Variants in CCSER1 observed in about 807,000 individuals in gnomAD.
CCSER1 encodes the protein coiled-coil serine rich protein 1, also known as serine-rich coiled-coil domain-containing protein 1.
A neutral mutation model predicts 82.0 loss-of-function variants in CCSER1; 41 were observed. The observed-to-expected ratio is 0.50, with a 90% CI of 0.39 to 0.65. The LOEUF (loss-of-function observed/expected upper bound fraction) is 0.65, where lower values mean the gene tolerates loss of function less well. Ranked by LOEUF, CCSER1 falls within the 30% of genes least tolerant of loss-of-function variation. CCSER1 has a pLI of 0.00. For synonymous variants in CCSER1, 414 were observed against 383.9 expected (o/e 1.08, Z -0.92); for missense variants, 1,119 against 1,064.2 (o/e 1.05, Z -0.72).
intron 9 of CCSER1, among the ~76,000 whole-genome samples, chr4:91,051,210 C>T (rs1742976445): frequency 6.6e-6 from 1 of 151,992 alleles, no homozygotes; most frequent in African/African-American, 2.4e-5. Context: ...TACCAAATAT[C>T]AAGGAGACAA....
chr4:90,525,332 T>G (rs2153627351), intron 5 of CCSER1, among the ~76,000 whole-genome samples: 1 of 152,246 alleles, frequency 6.6e-6, no homozygotes, highest in East Asian at 1.9e-4. Context: ...CCTTGGAGAA[T>G]ATTTTCTTTT....
At chr4:90,493,618 T>TA (rs1431578313) in intron 5 of CCSER1, among the ~76,000 whole-genome samples, 2 of 152,114 alleles carry the variant, frequency 1.3e-5, no homozygotes, top group African/African-American at 4.8e-5. Flanking sequence ...TCAACATTCT[T>TA]AAAGAAAAAA....
At chr4:91,463,068 G>A (rs1256301521) in intron 10 of CCSER1, among the ~76,000 whole-genome samples, 63 of 152,144 alleles carry the variant, frequency 4.1e-4, no homozygotes, top group Non-Finnish European at 2.9e-5. Flanking sequence ...CCTCAAGTGG[G>A]TCCCTGACCC....
chr4:91,063,073 CCTAA>C (rs1476258796), intron 9 of CCSER1, among the ~76,000 whole-genome samples: 7 of 152,096 alleles, frequency 4.6e-5, no homozygotes, highest in South Asian at 2.1e-4. Context: ...AAAACAGATA[CCTAA>C]CTATGTCATG....
chr4:91,257,131 T>A (rs984230579), intron 10 of CCSER1, among the ~76,000 whole-genome samples: 3 of 152,082 alleles, frequency 2.0e-5, no homozygotes, highest in Admixed American at 2.0e-4. Context: ...TTACCTTAGA[T>A]GAAATGAGGA....
At chr4:90,421,193 AT>A (rs1381389250) in intron 4 of CCSER1, among the ~76,000 whole-genome samples, 1 of 152,192 alleles carries the variant, frequency 6.6e-6, no homozygotes, top group Non-Finnish European at 1.5e-5. Flanking sequence ...GCAATTGTGC[AT>A]ACTAAAAACA....
At chr4:91,107,034 T>G (rs78734037) in intron 10 of CCSER1, among the ~76,000 whole-genome samples, 1,681 of 152,308 alleles carry the variant, frequency 0.011, 29 homozygotes, top group African/African-American at 0.037. Context: ...ATAACATATT[T>G]TCACTGTAGC....
At chr4:90,258,232 C>T (rs565611678) in intron 1 of CCSER1, among the ~76,000 whole-genome samples, 3 of 152,184 alleles carry the variant, frequency 2.0e-5, no homozygotes, top group Admixed American at 1.3e-4. Flanking sequence ...AAAAAAATAT[C>T]GGATGGGCAC....
chr4:90,598,583 A>G (rs188056529), intron 5 of CCSER1, among the ~76,000 whole-genome samples: 45 of 152,262 alleles, frequency 3.0e-4, no homozygotes, highest in Non-Finnish European at 5.6e-4. Context: ...ACTTTATTAT[A>G]TATTTGTTGG....
At chr4:91,002,927 G>T (rs974850017) in intron 9 of CCSER1, among the ~76,000 whole-genome samples, 2 of 152,284 alleles carry the variant, frequency 1.3e-5, no homozygotes, top group East Asian at 3.9e-4. Flanking sequence ...AGATTCTTTT[G>T]TCCCACGGCA....
rs113631267 is a variant in CCSER1, at chr4:90,815,526, A to ATGTGTGTGTGTGTG, written c.2011-228_2011-215dup. Among the ~76,000 whole-genome samples, 1,445 of 150,656 alleles carry ATGTGTGTGTGTGTG rather than the reference A, an allele frequency of 9.6e-3. 18 individuals carry two copies. Among genetic ancestry groups the ATGTGTGTGTGTGTG allele is most frequent in the Admixed American group, 0.035 (524 of 15,104 alleles). On this transcript the variant is annotated intron_variant, in intron 7 of 10. Transcript: ENST00000509176. ...TAAGCAAAAACATATGTGTGTGTGG[A>ATGTGTGTGTGTGTG]TGTGTGTGTGTGTGTGTGTGTCTAC...
intron 8 of CCSER1, among the ~76,000 whole-genome samples, chr4:90,828,544 G>T (rs939775838): frequency 7.2e-5 from 11 of 152,068 alleles, no homozygotes; most frequent in Admixed American, 6.6e-4. Context: ...ATTTAGTTTC[G>T]TATCACTTTA....
intron 6 of CCSER1, among the ~76,000 whole-genome samples, chr4:90,634,367 T>C (rs1725045042): frequency 6.6e-6 from 1 of 151,794 alleles, no homozygotes; most frequent in Non-Finnish European, 1.5e-5. Context: ...ACCTAATAGT[T>C]CAAACATTAA....
At chr4:91,419,053 G>C (rs774729045) in intron 10 of CCSER1, among the ~76,000 whole-genome samples, 14 of 151,838 alleles carry the variant, frequency 9.2e-5, no homozygotes, top group Non-Finnish European at 4.4e-5. Flanking sequence ...GATAACAACT[G>C]TCAACAAATT....
chr4:90,149,862 G>A (rs1167216711), intron 1 of CCSER1, among the ~76,000 whole-genome samples: 1 of 152,096 alleles, frequency 6.6e-6, no homozygotes, highest in Non-Finnish European at 1.5e-5. Flanking sequence ...AGTCTGCATT[G>A]TATGTAAAAG....
At chr4:90,690,167 G>T (rs1412671375) in intron 6 of CCSER1, among the ~76,000 whole-genome samples, 1 of 152,108 alleles carries the variant, frequency 6.6e-6, no homozygotes, top group East Asian at 1.9e-4. Flanking sequence ...TGGAAGGGGT[G>T]CTAAGCCTTA....
At chr4:90,400,263 A>G (rs567716761) in intron 4 of CCSER1, 134 bp downstream of exon 4, 4 of 409,672 alleles carry the variant, frequency 9.8e-6, no homozygotes, top group Non-Finnish European at 1.7e-5. Flanking sequence ...TGCAAAGAAC[A>G]TGCTAGGTAC....
chr4:90,704,689 C>T (rs1044904147), intron 6 of CCSER1, among the ~76,000 whole-genome samples: 3 of 152,132 alleles, frequency 2.0e-5, no homozygotes, highest in Non-Finnish European at 4.4e-5. Context: ...GCTCTTTATT[C>T]TTTGAACTTC....
chr4:91,381,639 A>C (rs1222827771), intron 10 of CCSER1, among the ~76,000 whole-genome samples: 5 of 152,126 alleles, frequency 3.3e-5, no homozygotes, highest in African/African-American at 9.7e-5. Context: ...CTAGTTAGCC[A>C]TTCGTCTAAT....
Sources: allele counts gnomAD v4.1 joint callset (sites outside exome capture counted in the v4.1 genomes callset), GRCh38; gene constraint gnomAD v4.1.1; transcripts MANE v1.5; gene names NCBI Gene and HGNC (gene_info 2026-07-23, HGNC 2026-07-21).